Variants in SCUBE1 observed in about 807,000 individuals in gnomAD.
The protein encoded by SCUBE1 is signal peptide, CUB domain and EGF like domain containing 1.
Under a neutral mutation model 124.4 loss-of-function variants are expected in SCUBE1, and 59 were observed. The ratio of observed to expected loss-of-function variants is 0.47; its 90% CI spans 0.38 to 0.59. The LOEUF is 0.59. Among genes scored for constraint, SCUBE1 ranks in the 20% least tolerant of loss-of-function variants. SCUBE1 has a pLI of 0.00. For missense variants in SCUBE1, 1,150 were observed against 1,371.2 expected, an observed-to-expected ratio of 0.84 and a Z score of 2.55; for synonymous variants, 545 against 550.9, an observed-to-expected ratio of 0.99 and a Z score of 0.15.
chr22:43,301,203 C>T (rs6003144), intron 3 of SCUBE1, among the ~76,000 whole-genome samples: 2,268 of 152,282 alleles, frequency 0.015, 69 homozygotes, highest in African/African-American at 0.053. Flanking sequence ...AGGGCTGCCA[C>T]GGCTGGGCCA....
In SCUBE1 at chr22:43,211,598, C is replaced by A. The variant is rs568491120; in HGVS notation, c.2222-515G>T. Among the ~76,000 whole-genome samples the A allele has an allele frequency of 6.6e-6, 1 of 151,680 alleles. No individual in the cohort carries two copies. The highest frequency in any genetic ancestry group is 1.9e-4 in the East Asian group (1 of 5,138). ...ATGGTGCCATCTCGGCTCACTGCAACCTCCACCTCCTGGGTTCAAGCGATC... is the reference window on the plus strand; with the variant it reads ...ATGGTGCCATCTCGGCTCACTGCAAACTCCACCTCCTGGGTTCAAGCGATC... On this transcript the variant is annotated intron_variant, in intron 17 of 21. Transcript: ENST00000360835. The surrounding 1 kb of genome is among the most constrained non-coding windows in gnomAD (Gnocchi z 4.5).
In SCUBE1 at chr22:43,211,146, G is replaced by T; in HGVS notation, c.2222-63C>A. 6.7e-7 allele frequency: 1 copy of T among 1,503,348 alleles called. No homozygotes were observed. The highest frequency in any genetic ancestry group is 9.1e-7 in the Non-Finnish European group (1 of 1,102,986). The allele number at this position is 1,503,348 out of a possible 1,614,324, so 93.1% of individuals were successfully genotyped here. A position where few individuals can be genotyped will look rare whatever the true frequency, so the allele number is the denominator to read the frequency against. ...GGGTGCAGGGAAAGGGCAGCACTGG[G>T]GTGCTGTCCCCAGGACCTCTCATGC... is the stretch of plus-strand genomic sequence containing the variant. On this transcript the variant is annotated intron_variant, in intron 17 of 21. Coordinates refer to ENST00000360835, the MANE Select transcript of SCUBE1 (RefSeq NM_173050.5). The surrounding 1 kb of genome is among the most constrained non-coding windows in gnomAD (Gnocchi z 4.5).
chr22:43,254,186 G>C (rs1273763150), intron 6 of SCUBE1, among the ~76,000 whole-genome samples: 2 of 152,250 alleles, frequency 1.3e-5, no homozygotes, highest in Non-Finnish European at 2.9e-5. Flanking sequence ...GTCTGCCTGT[G>C]TGACCAGAGG....
intron 12 of SCUBE1, 108 bp from the exon 13 acceptor site, chr22:43,221,397 CT>C: frequency 1.5e-6 from 1 of 687,986 alleles, no homozygotes; most frequent in East Asian, 2.6e-5. Context: ...GGGGGTGGGG[CT>C]TGATCTGAGT....
intron 3 of SCUBE1, chr22:43,317,186 AAC>A (rs1926379146): frequency 6.6e-6 from 1 of 152,308 alleles, no homozygotes; most frequent in African/African-American, 2.4e-5. Context: ...CATGGTAAAA[AAC>A]AAAAAAGCAA....
In SCUBE1 at chr22:43,210,658, G is replaced by C. The variant is rs1403631797; in HGVS notation, c.2383+264C>G. ...AGAGCAGGGCCTGGCCCAGGGCAGA[G>C]GCTTGGGCTGTGTTGGGTGAGCAGT... is the stretch of plus-strand genomic sequence containing the variant. On this transcript the variant is annotated intron_variant, in intron 18 of 21. Transcript: ENST00000360835. This position sits in a 1 kb window ranked among gnomAD's most constrained non-coding sequence, Gnocchi z 4.5. 6.6e-6 allele frequency among the ~76,000 whole-genome samples: 1 copy of C among 152,256 alleles called. No individual in the cohort carries two copies. The highest frequency in any genetic ancestry group is 1.5e-5 in the Non-Finnish European group (1 of 68,040).
intron 3 of SCUBE1, among the ~76,000 whole-genome samples, chr22:43,305,063 C>T (rs1473043621): frequency 1.3e-5 from 2 of 152,162 alleles, no homozygotes; most frequent in African/African-American, 2.4e-5. Flanking sequence ...CCCCACTGCC[C>T]GCACTGTCCC....
chr22:43,223,117 G>A lies in SCUBE1; in HGVS notation c.1307C>T (p.Ala436Val). ...GTTACCTGGCACGAAGAGTGTGTGAGCCGGGCAGGAAAGGAAGCAGCTCTC... is the reference window on the plus strand; with the variant it reads ...GTTACCTGGCACGAAGAGTGTGTGAACCGGGCAGGAAAGGAAGCAGCTCTC... ...GVESCFLSCP[A>V]HTLFVPDSEN... is the part of the protein sequence containing the mutation. The change falls in exon 11 of 22, where the codon GCT (alanine) becomes GTT (valine). Residue 436 changes from alanine to valine, a missense_variant. This residue lies in a region of SCUBE1 where 757 missense variants were observed against 840.9 expected (regional missense o/e 0.90). Coordinates refer to ENST00000360835, the MANE Select transcript of SCUBE1 (RefSeq NM_173050.5). The A allele has an allele frequency of 4.5e-6, 7 of 1,552,258 alleles. No individual in the cohort carries two copies. The highest frequency in any genetic ancestry group is 6.1e-6 in the Non-Finnish European group (7 of 1,156,578).
chr22:43,251,164 C>A (rs868378419), intron 6 of SCUBE1, among the ~76,000 whole-genome samples: 2 of 152,214 alleles, frequency 1.3e-5, no homozygotes, highest in African/African-American at 2.4e-5. Flanking sequence ...TGAAGATACA[C>A]CCCCAAGGCT....
At chr22:43,338,686 C>T (rs561226321) in intron 2 of SCUBE1, among the ~76,000 whole-genome samples, 10 of 152,176 alleles carry the variant, frequency 6.6e-5, no homozygotes, top group Admixed American at 3.3e-4. Context: ...CCACCACGCT[C>T]GGCTAACTTT....
chr22:43,307,894 C>T (rs1018530287), intron 3 of SCUBE1, among the ~76,000 whole-genome samples: 1 of 152,188 alleles, frequency 6.6e-6, no homozygotes, highest in Non-Finnish European at 1.5e-5. Flanking sequence ...GCCTAAGGAG[C>T]CTGACTTCTG....
rs941757944 is a variant in SCUBE1 at position 43,210,800 on chromosome 22, C to T, written c.2383+122G>A. ...GCAATGCACCCGAGAGCAGACGGGACGGAGCGGGAGGAGTCCAGTGTCCTC... is the reference window on the plus strand; with the variant it reads ...GCAATGCACCCGAGAGCAGACGGGATGGAGCGGGAGGAGTCCAGTGTCCTC... On this transcript the variant is annotated intron_variant, in intron 18 of 21. Coordinates refer to ENST00000360835, the MANE Select transcript of SCUBE1 (RefSeq NM_173050.5). This position sits in a 1 kb window ranked among gnomAD's most constrained non-coding sequence, Gnocchi z 4.5. 2.7e-5 allele frequency: 32 copies of T among 1,189,398 alleles called. No homozygotes were observed. The highest frequency in any genetic ancestry group is 5.4e-4 in the Middle Eastern group (2 of 3,722). 73.7% of individuals were successfully genotyped at this position (1,189,398 alleles called of 1,614,324 possible).
In SCUBE1 at chr22:43,201,915, G is replaced by A. The variant is rs1408841931; in HGVS notation, c.*2082C>T. 3 of 152,154 alleles carry A rather than the reference G, an allele frequency of 2.0e-5. No individual in the cohort carries two copies. The highest frequency in any genetic ancestry group is 2.1e-4 in the South Asian group (1 of 4,826). 9.4% of individuals were successfully genotyped at this position (152,154 alleles called of 1,614,324 possible). On this transcript the variant is annotated 3_prime_UTR_variant, in exon 22 of 22. Coordinates refer to ENST00000360835, the MANE Select transcript of SCUBE1 (RefSeq NM_173050.5). ...GCCTCTCATCTTGGGGATGACTGAC[G>A]GCTCCACAAAGGGAGGGAGGGAGGC... is the stretch of plus-strand genomic sequence containing the variant.
intron 9 of SCUBE1, 61 bp downstream of exon 9, chr22:43,229,011 T>C: frequency 1.6e-6 from 2 of 1,216,456 alleles, no homozygotes; most frequent in East Asian, 2.5e-5. Context: ...GCAGTGTAGG[T>C]GGCCGTGCGG....
chr22:43,218,595 C>T (rs5759219), intron 14 of SCUBE1, 137 bp from the exon 15 acceptor site: 187,571 of 860,280 alleles, frequency 0.22, 26,367 homozygotes, highest in East Asian at 0.51. Flanking sequence ...AGTCCTGGGG[C>T]AAGGGGCCAC....
intron 9 of SCUBE1, 36 bp downstream of exon 9, chr22:43,229,036 C>CG (rs749220738): frequency 4.7e-6 from 7 of 1,499,588 alleles, no homozygotes; most frequent in Non-Finnish European, 1.8e-6. Context: ...GCGCGTGCCT[C>CG]GGGGGGGAGG....
At chr22:43,245,936 T>C (rs1415938926) in intron 6 of SCUBE1, among the ~76,000 whole-genome samples, 4 of 152,048 alleles carry the variant, frequency 2.6e-5, no homozygotes, top group Non-Finnish European at 4.4e-5. Context: ...GGGTGGGTGT[T>C]CCCGCACCTG....
chr22:43,218,271 T>TA lies in SCUBE1; in HGVS notation c.1874dup (p.Gln626ThrfsTer17). ...AGGACTCACCGCATTTGCTGTCCTG[T>TA]AGCACCTGGCCTGCGCCACATGCCC... On this transcript the variant is annotated frameshift_variant, in exon 15 of 22. Transcript: ENST00000360835. LOFTEE classifies it high-confidence loss of function. 1 of 1,613,098 alleles carries TA rather than the reference T, an allele frequency of 6.2e-7. No homozygotes were observed. Among genetic ancestry groups the TA allele is most frequent in the Non-Finnish European group, 8.5e-7 (1 of 1,179,994 alleles).
At chr22:43,239,864 C>T (rs140258214) in intron 6 of SCUBE1, among the ~76,000 whole-genome samples, 29 of 152,336 alleles carry the variant, frequency 1.9e-4, no homozygotes, top group African/African-American at 6.7e-4. Context: ...TGCCTGCCTT[C>T]GCCTTGGCAT....
Sources: gnomAD v4.1 joint callset for allele counts (sites outside exome capture counted in the v4.1 genomes callset) on GRCh38, gnomAD v4.1.1 for gene constraint, gnomAD v4.1.1 regional missense constraint, Gnocchi (gnomAD v3.1) non-coding constraint, MANE v1.5 for transcripts, NCBI Gene and HGNC (gene_info 2026-07-23, HGNC 2026-07-21) for gene names.